ALPK2: variants seen among roughly 807,000 people sequenced by gnomAD.
ALPK2 encodes alpha kinase 2, also known as alpha-protein kinase 2.
In ALPK2, 127 loss-of-function variants were observed where a neutral mutation model predicts 163.1. The observed-to-expected ratio is 0.78, with a 90% CI of 0.67 to 0.90. ALPK2 has a LOEUF of 0.90. Among genes scored for constraint, ALPK2 ranks in the 40% least tolerant of loss-of-function variants. ALPK2 has a pLI of 0.00. For missense variants in ALPK2, 2,360 were observed against 2,589.6 expected, an observed-to-expected ratio of 0.91 and a Z score of 1.92; for synonymous variants, 953 against 959.1, an observed-to-expected ratio of 0.99 and a Z score of 0.12.
chr18:58,538,919 C>G (rs2051674197), intron 4 of ALPK2, among the ~76,000 whole-genome samples: 1 of 151,288 alleles, frequency 6.6e-6, no homozygotes, highest in Non-Finnish European at 1.5e-5. Flanking sequence ...TCCTCTCTGT[C>G]CATACTATCT....
chr18:58,605,074 A>G (rs1189549369), intron 3 of ALPK2, among the ~76,000 whole-genome samples: 3 of 152,246 alleles, frequency 2.0e-5, no homozygotes, highest in Non-Finnish European at 2.9e-5. Context: ...TAATCAGGAA[A>G]TATGTGTTGA....
rs543873645 is a variant in ALPK2 at position 58,510,034 on chromosome 18, T to C, written c.6029+4959A>G. ...TGGTTTTAGGTCTAACATTTAAGTC[T>C]TTAATCCATCTTGAATTAATTTTTA... is the stretch of plus-strand genomic sequence containing the variant. On this transcript the variant is annotated intron_variant, in intron 10 of 12. Transcript: ENST00000361673. Among the ~76,000 whole-genome samples, 20 of 152,370 alleles carry C rather than the reference T, an allele frequency of 1.3e-4. No individual in the cohort carries two copies. In the East Asian group the frequency reaches 3.9e-3, roughly 29 times the overall value.
rs2051513885 is a variant in ALPK2 at position 58,515,035 on chromosome 18, G to A, written c.5987C>T (p.Ala1996Val). Residue 1996 changes from alanine (A) to valine (V), a missense_variant, in exon 10 of 13, where the codon GCT becomes GTT. Coordinates refer to ENST00000361673, the MANE Select transcript of ALPK2 (RefSeq NM_052947.4). ...NTARYYAKIY[A>V]AEAQPLEGFG... is the part of the protein sequence containing the mutation. ...GCCTTCCAGAGGCTGTGCTTCAGCA[G>A]CGTAGATCTTGGCATAATACCTGGC... 2 of 1,613,180 alleles carry A rather than the reference G, an allele frequency of 1.2e-6. No individual in the cohort carries two copies. Among genetic ancestry groups the A allele is most frequent in the Non-Finnish European group, 1.7e-6 (2 of 1,179,514 alleles).
At position 58,547,736 on chromosome 18, in the gene ALPK2, T is replaced by A. The variant is rs1363135212; in HGVS notation, c.1963-9512A>T. Among the ~76,000 whole-genome samples the A allele has an allele frequency of 7.3e-5, 11 of 150,202 alleles. No individual in the cohort carries two copies. In the Admixed American group the frequency reaches 7.3e-4, roughly 10 times the overall value. ...AATGTTGCACATAATTTCCGGGGGG[T>A]TTCAGACCCCCTTGGGCCTATGGAT... is the stretch of plus-strand genomic sequence containing the variant. On this transcript the variant is annotated intron_variant, in intron 4 of 12. Transcript: ENST00000361673.
At chr18:58,526,389 C>G (rs948928228) in intron 6 of ALPK2, among the ~76,000 whole-genome samples, 1 of 152,176 alleles carries the variant, frequency 6.6e-6, no homozygotes, top group Non-Finnish European at 1.5e-5. Flanking sequence ...GAGAAGTCCT[C>G]GGGTTGTTTC....
At chr18:58,603,972 C>T (rs558195828) in intron 3 of ALPK2, among the ~76,000 whole-genome samples, 9 of 152,296 alleles carry the variant, frequency 5.9e-5, no homozygotes, top group Non-Finnish European at 8.8e-5. Context: ...TAAATCTCTT[C>T]CCCGCCGTCT....
At chr18:58,501,826 C>T (rs536686762) in intron 11 of ALPK2, among the ~76,000 whole-genome samples, 1 of 152,144 alleles carries the variant, frequency 6.6e-6, no homozygotes, top group South Asian at 2.1e-4. Context: ...TGAATGGATA[C>T]AAAAACTGAT....
chr18:58,490,533 C>G (rs1307723586), intron 12 of ALPK2, among the ~76,000 whole-genome samples: 1 of 152,062 alleles, frequency 6.6e-6, no homozygotes, highest in Non-Finnish European at 1.5e-5. Flanking sequence ...GTGCTATGGC[C>G]CCTCCCTCAG....
intron 3 of ALPK2, among the ~76,000 whole-genome samples, chr18:58,597,819 A>G (rs1248340434): frequency 1.3e-5 from 2 of 152,208 alleles, no homozygotes; most frequent in African/African-American, 2.4e-5. Flanking sequence ...GGGAGGTGAT[A>G]TGGTTTAGAT....
chr18:58,607,056 T>C (rs907451881), intron 3 of ALPK2, among the ~76,000 whole-genome samples: 4 of 152,222 alleles, frequency 2.6e-5, no homozygotes, highest in African/African-American at 7.2e-5. Flanking sequence ...ATTTAATGGA[T>C]GGCAATGGCT....
intron 12 of ALPK2, among the ~76,000 whole-genome samples, chr18:58,488,017 T>C (rs1277543980): frequency 6.6e-6 from 1 of 152,164 alleles, no homozygotes; most frequent in Non-Finnish European, 1.5e-5. Flanking sequence ...TGGAATTTTC[T>C]GCATTTCTAC....
intron 4 of ALPK2, among the ~76,000 whole-genome samples, chr18:58,558,160 A>G (rs1397475719): frequency 6.6e-6 from 1 of 152,232 alleles, no homozygotes; most frequent in African/African-American, 2.4e-5. Flanking sequence ...GGTTTGGAAC[A>G]ATTTGGATAT....
At chr18:58,526,188 G>T (rs2051583953) in intron 6 of ALPK2, among the ~76,000 whole-genome samples, 1 of 152,184 alleles carries the variant, frequency 6.6e-6, no homozygotes, top group South Asian at 2.1e-4. Context: ...GAACAGCAGT[G>T]GTGATTAGCT....
At chr18:58,482,641 G>T (rs556230719) in intron 12 of ALPK2, among the ~76,000 whole-genome samples, 1 of 152,260 alleles carries the variant, frequency 6.6e-6, no homozygotes, top group East Asian at 1.9e-4. Flanking sequence ...AGGAGAAGAA[G>T]AATTTTTGTC....
At chr18:58,610,023 C>T (rs1446982867) in intron 2 of ALPK2, among the ~76,000 whole-genome samples, 3 of 152,058 alleles carry the variant, frequency 2.0e-5, no homozygotes, top group Non-Finnish European at 2.9e-5. Flanking sequence ...GAAAGGCAGC[C>T]GTTTCTGAGG....
chr18:58,567,857 C>G (rs986032222), intron 4 of ALPK2, among the ~76,000 whole-genome samples: 3 of 152,164 alleles, frequency 2.0e-5, no homozygotes, highest in Non-Finnish European at 4.4e-5. Context: ...ACTCCAAGCC[C>G]GTGTGTCTAA....
chr18:58,616,357 C>T (rs1204978510), intron 1 of ALPK2, among the ~76,000 whole-genome samples: 1 of 152,182 alleles, frequency 6.6e-6, no homozygotes, highest in African/African-American at 2.4e-5. Flanking sequence ...CAAGGCAGGA[C>T]TCTGTGGTCA....
intron 4 of ALPK2, among the ~76,000 whole-genome samples, chr18:58,560,661 A>G (rs1207918409): frequency 2.0e-5 from 3 of 152,218 alleles, no homozygotes; most frequent in Non-Finnish European, 4.4e-5. Flanking sequence ...TCAGTAACAT[A>G]TTCACAGGTT....
At position 58,492,205 on chromosome 18, in the gene ALPK2, C is replaced by T. The variant is rs767548080; in HGVS notation, c.6296+5844G>A. Among the ~76,000 whole-genome samples the T allele has an allele frequency of 6.0e-4, 91 of 152,012 alleles. 1 individual carries two copies. Among genetic ancestry groups the T allele is most frequent in the Non-Finnish European group, 6.0e-4 (41 of 67,990 alleles). On this transcript the variant is annotated intron_variant, in intron 12 of 12. Coordinates refer to ENST00000361673, the MANE Select transcript of ALPK2 (RefSeq NM_052947.4). ...ACAAAAAGACACAGACACAGATATACACACAGACACACATGCACACACATA... is the reference window on the plus strand; with the variant it reads ...ACAAAAAGACACAGACACAGATATATACACAGACACACATGCACACACATA...
Sources: gnomAD v4.1 joint callset for allele counts (sites outside exome capture counted in the v4.1 genomes callset) on GRCh38, gnomAD v4.1.1 for gene constraint, MANE v1.5 for transcripts, NCBI Gene and HGNC (gene_info 2026-07-23, HGNC 2026-07-21) for gene names.